The following THSD7B variants were observed in gnomAD, a reference collection of about 807,000 sequenced individuals.
THSD7B encodes the protein thrombospondin type-1 domain-containing protein 7B.
A neutral mutation model predicts 213.6 loss-of-function variants in THSD7B; 138 were observed. The observed-to-expected ratio is 0.65, with a 90% confidence interval of 0.56 to 0.74. The LOEUF (loss-of-function observed/expected upper bound fraction) is 0.74, where lower values mean the gene tolerates loss of function less well. THSD7B is among the 30% of genes least tolerant of loss of function. THSD7B has a pLI of 0.00. For synonymous variants in THSD7B, 742 were observed against 687.0 expected, an observed-to-expected ratio of 1.08 and a Z score of -1.25; for missense variants, 1,931 against 1,991.5, an observed-to-expected ratio of 0.97 and a Z score of 0.58.
chr2:137,476,494 A>G (rs1264756114), intron 15 of THSD7B, among the ~76,000 whole-genome samples: 1 of 152,064 alleles, frequency 6.6e-6, no homozygotes, highest in Admixed American at 6.6e-5. Context: ...TGATTTTTAT[A>G]TATGGTGAGA....
intron 14 of THSD7B, among the ~76,000 whole-genome samples, chr2:137,450,111 T>C (rs1573632669): frequency 6.6e-6 from 1 of 151,928 alleles, no homozygotes; most frequent in Middle Eastern, 3.4e-3. Flanking sequence ...GTTCAGTAGA[T>C]GGTATAGAAT....
intron 2 of THSD7B, among the ~76,000 whole-genome samples, chr2:136,937,278 G>A (rs1271254878): frequency 6.6e-6 from 1 of 151,762 alleles, no homozygotes; most frequent in East Asian, 1.9e-4. Flanking sequence ...TCATCTCTGT[G>A]TTTTTGCCAC....
intron 1 of THSD7B, among the ~76,000 whole-genome samples, chr2:136,840,665 A>G (rs373132840): frequency 1.3e-5 from 2 of 152,286 alleles, no homozygotes; most frequent in South Asian, 2.1e-4. Context: ...AAAGAGCTTG[A>G]ACTTTATCCT....
chr2:137,465,250 T>C (rs1386559523), intron 15 of THSD7B, among the ~76,000 whole-genome samples: 1 of 137,948 alleles, frequency 7.2e-6, no homozygotes, highest in African/African-American at 2.7e-5. Context: ...TCCCCATTCA[T>C]AAAAAAAAAA....
intron 6 of THSD7B, among the ~76,000 whole-genome samples, chr2:137,167,181 A>G (rs1474634899): frequency 6.6e-6 from 1 of 151,144 alleles, no homozygotes; most frequent in Non-Finnish European, 1.5e-5. Context: ...CTTTTTTATA[A>G]TTTTTATTTT....
intron 20 of THSD7B, among the ~76,000 whole-genome samples, chr2:137,632,552 C>T (rs1682761300): frequency 6.6e-6 from 1 of 152,092 alleles, no homozygotes; most frequent in Admixed American, 6.5e-5. Context: ...AGTGGTCCCT[C>T]AAGTTGTGTT....
intron 12 of THSD7B, among the ~76,000 whole-genome samples, chr2:137,318,108 G>C (rs1172446159): frequency 6.6e-6 from 1 of 152,108 alleles, no homozygotes; most frequent in Non-Finnish European, 1.5e-5. Flanking sequence ...AATTAGGCTA[G>C]TTACAAAAAG....
intron 15 of THSD7B, among the ~76,000 whole-genome samples, chr2:137,514,111 C>T (rs986642371): frequency 6.6e-6 from 1 of 151,992 alleles, no homozygotes; most frequent in Non-Finnish European, 1.5e-5. Context: ...TCTCTTACTG[C>T]CTATATATAT....
chr2:137,575,725 C>CACATATATATATATATATATATATATAT (rs59620213), intron 17 of THSD7B, among the ~76,000 whole-genome samples: 7 of 110,814 alleles, frequency 6.3e-5, no homozygotes, highest in Non-Finnish European at 9.8e-5. Flanking sequence ...CCATAACACA[C>CACATATATATATATATATATATATATAT]ATATATATAT....
intron 1 of THSD7B, among the ~76,000 whole-genome samples, chr2:136,781,010 C>T (rs1681732259): frequency 1.3e-5 from 2 of 151,302 alleles, no homozygotes; most frequent in Admixed American, 6.6e-5. Context: ...GTGTAAAATG[C>T]TTCATGCAAT....
intron 15 of THSD7B, among the ~76,000 whole-genome samples, chr2:137,470,647 C>G (rs1688073777): frequency 6.6e-6 from 1 of 152,184 alleles, no homozygotes; most frequent in African/African-American, 2.4e-5. Flanking sequence ...GGCCTCTGGC[C>G]AGCTCTCAGC....
intron 2 of THSD7B, among the ~76,000 whole-genome samples, chr2:136,944,692 A>G (rs1474867563): frequency 1.0e-4 from 15 of 147,794 alleles, no homozygotes; most frequent in South Asian, 2.2e-4. Context: ...TTTTATCATA[A>G]ACTAGGATTG....
chr2:136,890,407 C>CTCTTCCTCTTCCTCTTCTTCT (rs1683810939), intron 2 of THSD7B, among the ~76,000 whole-genome samples: 1 of 390 alleles, frequency 2.6e-3, no homozygotes, highest in African/African-American at 3.4e-3. Flanking sequence ...CTTCCTCTTC[C>CTCTTCCTCTTCCTCTTCTTCT]TCTTCTTCTT....
chr2:137,408,825 C>A (rs1224161207), intron 13 of THSD7B, among the ~76,000 whole-genome samples: 1 of 152,170 alleles, frequency 6.6e-6, no homozygotes, highest in Non-Finnish European at 1.5e-5. Flanking sequence ...ACCACTCTTC[C>A]ATGTTCAAGG....
chr2:137,107,803 A>G (rs1016198523), intron 4 of THSD7B, among the ~76,000 whole-genome samples: 4 of 152,196 alleles, frequency 2.6e-5, no homozygotes, highest in African/African-American at 9.7e-5. Context: ...TTAATAATAC[A>G]TGTGTGGAGT....
chr2:137,004,100 A>G (rs921766596), intron 2 of THSD7B, among the ~76,000 whole-genome samples: 4 of 152,316 alleles, frequency 2.6e-5, no homozygotes, highest in Non-Finnish European at 5.9e-5. Flanking sequence ...AAAAGTATCT[A>G]AGAAAATCAA....
chr2:137,190,481 G>A (rs907132605), intron 7 of THSD7B, among the ~76,000 whole-genome samples: 3 of 152,158 alleles, frequency 2.0e-5, no homozygotes, highest in African/African-American at 7.2e-5. Flanking sequence ...CATGGTGACA[G>A]GGATTCTGCC....
intron 12 of THSD7B, among the ~76,000 whole-genome samples, chr2:137,346,369 A>T (rs914750925): frequency 2.0e-5 from 3 of 151,632 alleles, no homozygotes; most frequent in Non-Finnish European, 1.5e-5. Context: ...TTCCCTTAGC[A>T]TGATGTCCGC....
chr2:137,632,038 C>T (rs1438516440), intron 20 of THSD7B, among the ~76,000 whole-genome samples: 1 of 152,144 alleles, frequency 6.6e-6, no homozygotes. Flanking sequence ...CTGAAGTAAT[C>T]TGCCCAAGGT....
Sources: gnomAD v4.1 joint callset for allele counts (sites outside exome capture counted in the v4.1 genomes callset) on GRCh38, gnomAD v4.1.1 for gene constraint, MANE v1.5 for transcripts, NCBI Gene and HGNC (gene_info 2026-07-23, HGNC 2026-07-21) for gene names.